The following PPARA variants were observed in gnomAD, a reference collection of about 807,000 sequenced individuals.
PPARA encodes the protein peroxisome proliferator activated receptor alpha.
PPARA carries 22 observed loss-of-function variants against 42.2 expected under a neutral mutation model. The ratio of observed to expected loss-of-function variants is 0.52; its 90% CI spans 0.37 to 0.74. The LOEUF is 0.74. PPARA is among the 30% of genes least tolerant of loss of function. The pLI is 0.00. For missense variants in PPARA, 465 were observed against 608.2 expected (o/e 0.76, Z 2.48); for synonymous variants, 242 against 239.3 (o/e 1.01, Z -0.10).
intron 7 of PPARA, among the ~76,000 whole-genome samples, chr22:46,229,059 A>G (rs1935680537): frequency 6.6e-6 from 1 of 151,562 alleles, no homozygotes; most frequent in Non-Finnish European, 1.5e-5. Flanking sequence ...GTGAGCCAAG[A>G]TCACGCCACT....
intron 4 of PPARA, 122 bp downstream of exon 4, chr22:46,198,713 T>A (rs1261092207): frequency 9.8e-7 from 1 of 1,015,356 alleles, no homozygotes; most frequent in Admixed American, 2.3e-5. Flanking sequence ...CAGGCTGGAG[T>A]GCAATGGCTC....
Position 46,184,268 on chromosome 22 carries a change from G to T in PPARA, c.-43+7432G>T, listed in dbSNP as rs561190793. ...TGCAACACGCCACTGCAAGTTGGAT[G>T]TCTAGAAAAGGTGCCATGAGTTACC... On this transcript the variant is annotated intron_variant, in intron 3 of 8. Transcript: ENST00000407236. The surrounding 1 kb of genome is among the most constrained non-coding windows in gnomAD (Gnocchi z 4.4). Among the ~76,000 whole-genome samples, 62 of 152,296 alleles carry T rather than the reference G, an allele frequency of 4.1e-4. No individual in the cohort carries two copies. The highest frequency in any genetic ancestry group is 1.4e-3 in the African/African-American group (60 of 41,562).
chr22:46,159,050 C>T (rs952781944), intron 2 of PPARA, among the ~76,000 whole-genome samples: 7 of 151,944 alleles, frequency 4.6e-5, no homozygotes, highest in African/African-American at 7.3e-5. Context: ...CCACCACGCC[C>T]GGCTAATTTT....
intron 3 of PPARA, among the ~76,000 whole-genome samples, chr22:46,197,059 T>A (rs1018173266): frequency 6.0e-5 from 9 of 149,444 alleles, no homozygotes; most frequent in African/African-American, 2.0e-4. Context: ...TTGGTTTTGG[T>A]TTTTTTTTGA....
chr22:46,178,122 G>T (rs1929437280), intron 3 of PPARA, among the ~76,000 whole-genome samples: 1 of 152,114 alleles, frequency 6.6e-6, no homozygotes. Context: ...CGTAAGGAGG[G>T]GGTAGATTTC....
At position 46,216,146 on chromosome 22, in the gene PPARA, G is replaced by A. The variant is rs1251835438; in HGVS notation, c.369+813G>A. ...GCCTATAATCTCAGCACTTTGGGAGGCCGAGGCGGCTGGATCACCTGAGGT... is the reference window on the plus strand; with the variant it reads ...GCCTATAATCTCAGCACTTTGGGAGACCGAGGCGGCTGGATCACCTGAGGT... On this transcript the variant is annotated intron_variant, in intron 5 of 8. Transcript: ENST00000407236. The surrounding 1 kb of genome is among the most constrained non-coding windows in gnomAD (Gnocchi z 4.5). 6.6e-6 allele frequency among the ~76,000 whole-genome samples: 1 copy of A among 152,078 alleles called. No individual in the cohort carries two copies. Among genetic ancestry groups the A allele is most frequent in the Non-Finnish European group, 1.5e-5 (1 of 68,006 alleles).
rs1391014078 is a variant in PPARA, at chr22:46,180,275, CT to C, written c.-43+3440del. Among the ~76,000 whole-genome samples, 2 of 151,626 alleles carry C rather than the reference CT, an allele frequency of 1.3e-5. No homozygotes were observed. Among genetic ancestry groups the C allele is most frequent in the East Asian group, 1.9e-4 (1 of 5,182 alleles). On this transcript the variant is annotated intron_variant, in intron 3 of 8. Coordinates refer to ENST00000407236, the MANE Select transcript of PPARA (RefSeq NM_005036.6). The surrounding 1 kb of genome is among the most constrained non-coding windows in gnomAD (Gnocchi z 4.2). ...GATCTCAGCTCACTGCAACCTCTGC[CT>C]CCCAATGAATTAGAAAAATAATAAT...
At position 46,241,257 on chromosome 22, in the gene PPARA, A is replaced by G. The variant is rs965413293; in HGVS notation, c.*5877A>G. The G allele has an allele frequency of 1.3e-5, 2 of 152,252 alleles. No individual in the cohort carries two copies. Among genetic ancestry groups the G allele is most frequent in the African/African-American group, 4.8e-5 (2 of 41,462 alleles). The allele number at this position is 152,252 out of a possible 1,614,324, so 9.4% of individuals were successfully genotyped here. On this transcript the variant is annotated 3_prime_UTR_variant, in exon 9 of 9. Transcript: ENST00000407236. This position sits in a 1 kb window ranked among gnomAD's most constrained non-coding sequence, Gnocchi z 5.7. ...GGCACCATTTTGACAGCATTCAGGA[A>G]AACGGTTATTGACCCCATAGACTAG... is the stretch of plus-strand genomic sequence containing the variant.
At chr22:46,198,657 TC>T (rs1932629793) in intron 4 of PPARA, 66 bp downstream of exon 4, 143 of 1,153,984 alleles carry the variant, frequency 1.2e-4, no homozygotes, top group South Asian at 1.5e-4. Context: ...AACTGTTCTC[TC>T]TTTTTTTTTT....
intron 4 of PPARA, among the ~76,000 whole-genome samples, chr22:46,201,413 C>A (rs1932831949): frequency 6.6e-6 from 1 of 152,080 alleles, no homozygotes; most frequent in Admixed American, 6.6e-5. Context: ...TTTCTCCTGG[C>A]GCGTTAAGCA....
chr22:46,169,296 G>A (rs1251874638), intron 2 of PPARA, among the ~76,000 whole-genome samples: 3 of 151,816 alleles, frequency 2.0e-5, no homozygotes, highest in Non-Finnish European at 2.9e-5. Context: ...GTGCAGTGGC[G>A]CAATCTCGGC....
chr22:46,208,919 T>C (rs35637220), intron 4 of PPARA, among the ~76,000 whole-genome samples: 34,488 of 133,996 alleles, frequency 0.26, 4,054 homozygotes, highest in Middle Eastern at 0.3. Flanking sequence ...TGTGTGTGCG[T>C]GTGTGTGTGT....
intron 2 of PPARA, among the ~76,000 whole-genome samples, chr22:46,159,411 G>A (rs377549855): frequency 9.9e-5 from 15 of 152,146 alleles, no homozygotes; most frequent in South Asian, 4.1e-4. Flanking sequence ...TACGATTGTC[G>A]TTTTTTTCCC....
At position 46,198,382 on chromosome 22, in the gene PPARA, C is replaced by T. The variant is rs538438690; in HGVS notation, c.-2C>T. 1.6e-4 allele frequency: 261 copies of T among 1,613,512 alleles called. 2 individuals carry two copies. In the South Asian group the frequency reaches 2.5e-3, roughly 16 times the overall value. Reference sequence around the variant, plus strand: ...CGGCACAACCAGCACCATCTGGTCGCGATGGTGGACACGGAAAGCCCACTC... The same window carrying T: ...CGGCACAACCAGCACCATCTGGTCGTGATGGTGGACACGGAAAGCCCACTC... On this transcript the variant is annotated 5_prime_UTR_variant, in exon 4 of 9. Transcript: ENST00000407236.
rs1934082925 is a variant in PPARA, at chr22:46,212,960, A to G, written c.209-2213A>G. Among the ~76,000 whole-genome samples the G allele has an allele frequency of 6.6e-6, 1 of 152,138 alleles. No individual in the cohort carries two copies. The highest frequency in any genetic ancestry group is 2.4e-5 in the African/African-American group (1 of 41,426). On this transcript the variant is annotated intron_variant, in intron 4 of 8. Transcript: ENST00000407236. This position sits in a 1 kb window ranked among gnomAD's most constrained non-coding sequence, Gnocchi z 4.2. ...CAGTGAGCTGAGATCGTGCCACTCC[A>G]CTCCAGCCTGGGTGACAGAGTGAGA...
Position 46,240,889 on chromosome 22 carries a change from A to G in PPARA, c.*5509A>G, listed in dbSNP as rs977995370. 1.3e-5 allele frequency: 2 copies of G among 152,254 alleles called. No individual in the cohort carries two copies. Among genetic ancestry groups the G allele is most frequent in the Non-Finnish European group, 2.9e-5 (2 of 68,052 alleles). 9.4% of individuals were successfully genotyped at this position (152,254 alleles called of 1,614,324 possible). ...AATGGCAGCGATGATGGCTGCTGTC[A>G]TTCAAGCCCATCTTCAGACGTCACA... On this transcript the variant is annotated 3_prime_UTR_variant, in exon 9 of 9. Coordinates refer to ENST00000407236, the MANE Select transcript of PPARA (RefSeq NM_005036.6). This position sits in a 1 kb window ranked among gnomAD's most constrained non-coding sequence, Gnocchi z 6.0.
chr22:46,157,360 A>C (rs16994915), intron 2 of PPARA, among the ~76,000 whole-genome samples: 3,169 of 152,234 alleles, frequency 0.021, 121 homozygotes, highest in African/African-American at 0.072. Context: ...GCACCTACGG[A>C]TGATGGCCCG....
In PPARA at chr22:46,160,933, T is replaced by C. The variant is rs1176185439; in HGVS notation, c.-127+8963T>C. On this transcript the variant is annotated intron_variant, in intron 2 of 8. Transcript: ENST00000407236. This position sits in a 1 kb window ranked among gnomAD's most constrained non-coding sequence, Gnocchi z 4.5. ...TTTCACTCTGGAAACCAAAAATTAT[T>C]GGCTTTTTTTCCTGTTGCATTCCCT... 6.6e-6 allele frequency among the ~76,000 whole-genome samples: 1 copy of C among 152,244 alleles called. No homozygotes were observed. The highest frequency in any genetic ancestry group is 1.5e-5 in the Non-Finnish European group (1 of 68,046).
intron 2 of PPARA, chr22:46,155,650 T>C (rs565353275): frequency 5.3e-5 from 8 of 152,286 alleles, no homozygotes; most frequent in Admixed American, 4.6e-4. Context: ...TTTCTGATTA[T>C]GGGGTAGAAA....
Sources: gnomAD v4.1 joint callset for allele counts (sites outside exome capture counted in the v4.1 genomes callset) on GRCh38, gnomAD v4.1.1 for gene constraint, Gnocchi (gnomAD v3.1) non-coding constraint, MANE v1.5 for transcripts, NCBI Gene and HGNC (gene_info 2026-07-23, HGNC 2026-07-21) for gene names.